The following PLD3 variants were observed in gnomAD, a reference collection of about 807,000 sequenced individuals.
The protein encoded by PLD3 is phospholipase D family member 3, also known as 5'-3' exonuclease PLD3.
Under a neutral mutation model 58.4 loss-of-function variants are expected in PLD3, and 31 were observed. That is an observed-to-expected ratio of 0.53 (90% CI 0.40 to 0.72). The LOEUF is 0.72. PLD3 is among the 30% of genes least tolerant of loss of function. The pLI, the probability that PLD3 is intolerant of heterozygous loss-of-function variation, is 0.00. For synonymous variants in PLD3, 264 were observed against 273.4 expected (o/e 0.97, Z 0.34); for missense variants, 595 against 659.8 (o/e 0.90, Z 1.08).
At chr19:40,366,946 A>T (rs2078939612) in intron 5 of PLD3, 31 bp downstream of exon 5, 8 of 1,572,652 alleles carry the variant, frequency 5.1e-6, no homozygotes, top group Non-Finnish European at 6.9e-6. Flanking sequence ...TTGGTGGGGG[A>T]GGGGCCTGCC....
intron 1 of PLD3, among the ~76,000 whole-genome samples, chr19:40,362,523 C>T (rs1166970384): frequency 2.0e-5 from 3 of 152,200 alleles, no homozygotes; most frequent in Admixed American, 6.5e-5. Context: ...GCAGTCTCCA[C>T]CTCCCAGATT....
intron 1 of PLD3, among the ~76,000 whole-genome samples, chr19:40,349,906 C>G (rs1201416600): frequency 6.7e-6 from 1 of 149,936 alleles, no homozygotes; most frequent in Non-Finnish European, 1.5e-5. Flanking sequence ...TGCAGTGAGC[C>G]GAGATCGCGC....
intron 1 of PLD3, among the ~76,000 whole-genome samples, chr19:40,353,049 T>G (rs1019665018): frequency 1.3e-5 from 2 of 152,204 alleles, no homozygotes; most frequent in African/African-American, 4.8e-5. Context: ...TCCCTCAAGC[T>G]GCAGGGTCCC....
chr19:40,365,738 G>T lies in PLD3; in HGVS notation c.-258G>T, dbSNP rs757630473. On this transcript the variant is annotated 5_prime_UTR_variant, in exon 2 of 13. Coordinates refer to ENST00000409735, the MANE Select transcript of PLD3 (RefSeq NM_012268.4). ...GCCAGGCTGGAGCGACCGTGTCTGG[G>T]GAGCCGAGCCCCGCTTCTCGCTGCG... is the stretch of plus-strand genomic sequence containing the variant. 1 of 152,684 alleles carries T rather than the reference G, an allele frequency of 6.5e-6. No homozygotes were observed. Among genetic ancestry groups the T allele is most frequent in the Non-Finnish European group, 1.5e-5 (1 of 68,394 alleles). The allele number at this position is 152,684 out of a possible 1,614,324, so 9.5% of individuals were successfully genotyped here. A position where few individuals can be genotyped will look rare whatever the true frequency, so the allele number is the denominator to read the frequency against.
chr19:40,361,727 T>A (rs11672825), intron 1 of PLD3, among the ~76,000 whole-genome samples: 1 of 152,030 alleles, frequency 6.6e-6, no homozygotes, highest in South Asian at 2.1e-4. Context: ...AGGCCTTTTC[T>A]GACCTCCTTA....
chr19:40,366,494 A>T lies in PLD3; in HGVS notation c.11A>T (p.Lys4Ile). The change falls in exon 3 of 13, where the codon AAA (lysine) becomes ATA (isoleucine). Residue 4 changes from lysine to isoleucine, a missense_variant. Coordinates refer to ENST00000409735, the MANE Select transcript of PLD3 (RefSeq NM_012268.4). ...CAGCCTTGAGGGAAGATGAAGCCTA[A>T]ACTGATGTACCAGGAGGTAGGTGGA... MKP[K>I]LMYQELKVPA... 1 of 1,613,776 alleles carries T rather than the reference A, an allele frequency of 6.2e-7. No homozygotes were observed. Among genetic ancestry groups the T allele is most frequent in the African/African-American group, 1.3e-5 (1 of 74,986 alleles).
chr19:40,349,873 G>T (rs374933754), intron 1 of PLD3, among the ~76,000 whole-genome samples: 2 of 151,764 alleles, frequency 1.3e-5, no homozygotes, highest in African/African-American at 4.8e-5. Flanking sequence ...CAGGAGAATG[G>T]CTTGAACCGG....
chr19:40,369,647 A>G (rs73046347), intron 6 of PLD3, among the ~76,000 whole-genome samples: 3,046 of 152,252 alleles, frequency 0.02, 44 homozygotes, highest in Middle Eastern at 0.041. Flanking sequence ...CTGAATTTTG[A>G]GAAAGTCCCT....
chr19:40,367,261 A>AT (rs2078949398), intron 5 of PLD3: 9 of 272,836 alleles, frequency 3.3e-5, no homozygotes, highest in Non-Finnish European at 3.4e-5. Context: ...GTTTTAAAAA[A>AT]TTTTTTTTAA....
At chr19:40,360,729 G>T (rs1354177063) in intron 1 of PLD3, 1 of 152,034 alleles carries the variant, frequency 6.6e-6, no homozygotes, top group Non-Finnish European at 1.5e-5. Flanking sequence ...GTGGCTCCAG[G>T]CATTGCTGGG....
chr19:40,363,035 G>A (rs994709595), intron 1 of PLD3, among the ~76,000 whole-genome samples: 11 of 152,160 alleles, frequency 7.2e-5, no homozygotes, highest in African/African-American at 2.4e-4. Flanking sequence ...AAAGTGCTGA[G>A]ATTACAGGTG....
At position 40,378,031 on chromosome 19, in the gene PLD3, C is replaced by T. The variant is rs1419216505; in HGVS notation, c.1331C>T (p.Thr444Ile). Reference sequence around the variant, plus strand: ...AACTACTTCACGGAGACGGCGGGCACCTCGCTGCTGGTGACGCAGAATGGG... The same window carrying T: ...AACTACTTCACGGAGACGGCGGGCATCTCGCTGCTGGTGACGCAGAATGGG... ...SGNYFTETAG[T>I]SLLVTQNGRG... The change falls in exon 13 of 13, where the codon ACC (threonine) becomes ATC (isoleucine). Residue 444 changes from threonine to isoleucine, a missense_variant. By Grantham distance (89) the Thr-to-Ile change is moderately conservative. Transcript: ENST00000409735. 1 of 1,613,642 alleles carries T rather than the reference C, an allele frequency of 6.2e-7. No individual in the cohort carries two copies. The highest frequency in any genetic ancestry group is 1.1e-5 in the South Asian group (1 of 91,024).
At chr19:40,350,075 A>G (rs1309671443) in intron 1 of PLD3, among the ~76,000 whole-genome samples, 1 of 151,390 alleles carries the variant, frequency 6.6e-6, no homozygotes, top group African/African-American at 2.4e-5. Context: ...AGCCTGACCA[A>G]CATGGAGAAA....
intron 6 of PLD3, among the ~76,000 whole-genome samples, chr19:40,369,231 C>T (rs562934927): frequency 3.9e-5 from 6 of 152,074 alleles, no homozygotes; most frequent in African/African-American, 1.4e-4. Context: ...GGTCTGGGTT[C>T]AAATCCTGCT....
At chr19:40,366,725 G>T in intron 4 of PLD3, 41 bp downstream of exon 4, 1 of 1,613,966 alleles carries the variant, frequency 6.2e-7, no homozygotes, top group Non-Finnish European at 8.5e-7. Context: ...TCAGAGACAG[G>T]CTGGGCTGCC....
chr19:40,366,527 GC>G lies in PLD3; in HGVS notation c.27+18del. On this transcript the variant is annotated intron_variant, in intron 3 of 12. Coordinates refer to ENST00000409735, the MANE Select transcript of PLD3 (RefSeq NM_012268.4). ...TACCAGGAGGTAGGTGGATTGGGGG[GC>G]TCAGCAGGGTGGAACTGGGTACAGT... is the stretch of plus-strand genomic sequence containing the variant. 6.2e-7 allele frequency: 1 copy of G among 1,611,536 alleles called. No homozygotes were observed. The highest frequency in any genetic ancestry group is 8.5e-7 in the Non-Finnish European group (1 of 1,178,496).
At chr19:40,371,555 G>T in intron 8 of PLD3, 118 bp from the exon 9 acceptor site, 1 of 635,658 alleles carries the variant, frequency 1.6e-6, no homozygotes, top group South Asian at 1.9e-5. Flanking sequence ...AGCTATTGGA[G>T]CTGGGGTGGA....
intron 1 of PLD3, among the ~76,000 whole-genome samples, chr19:40,353,296 G>A (rs1354877515): frequency 6.6e-6 from 1 of 152,028 alleles, no homozygotes; most frequent in African/African-American, 2.4e-5. Flanking sequence ...CAGGTGTGGT[G>A]GCGGGCACCT....
At chr19:40,367,615 C>A in intron 5 of PLD3, 81 bp from the exon 6 acceptor site, 1 of 1,222,810 alleles carries the variant, frequency 8.2e-7, no homozygotes, top group Non-Finnish European at 1.2e-6. Flanking sequence ...TCCAACACAC[C>A]CATGGACGGA....
Sources: gnomAD v4.1 joint callset for allele counts (sites outside exome capture counted in the v4.1 genomes callset) on GRCh38, gnomAD v4.1.1 for gene constraint, MANE v1.5 for transcripts, NCBI Gene and HGNC (gene_info 2026-07-23, HGNC 2026-07-21) for gene names.